ITGAE: variants seen among roughly 807,000 people sequenced by gnomAD.
The protein encoded by ITGAE is integrin alpha-E.
Under a neutral mutation model 136.5 loss-of-function variants are expected in ITGAE, and 99 were observed. That is an observed-to-expected ratio of 0.73 (90% CI 0.62 to 0.86). The LOEUF is 0.86. Ranked by LOEUF, ITGAE falls within the 40% of genes least tolerant of loss-of-function variation. ITGAE has a pLI of 0.00. For synonymous variants in ITGAE, 613 were observed against 591.8 expected, an observed-to-expected ratio of 1.04 and a Z score of -0.52; for missense variants, 1,447 against 1,515.3, an observed-to-expected ratio of 0.95 and a Z score of 0.75.
intron 2 of ITGAE, among the ~76,000 whole-genome samples, chr17:3,771,316 T>C (rs2052415733): frequency 1.1e-4 from 16 of 152,106 alleles, no homozygotes. Flanking sequence ...ACCGTATGCC[T>C]CGTTGATACT....
At position 3,761,154 on chromosome 17, in the gene ITGAE, G is replaced by A. The variant is rs747958723; in HGVS notation, c.457C>T (p.Arg153Cys). ...DLENLLDPDA[R>C]VDTGDCYSNK... is the part of the protein sequence containing the mutation. ...CTGTAGCAGTCTCCAGTGTCCACAC[G>A]TGCATCTGGATCCAGGAGATTTTCT... is the stretch of plus-strand genomic sequence containing the variant. Residue 153 changes from arginine to cysteine, a missense_variant, in exon 6 of 31, where the codon CGT becomes TGT. Transcript: ENST00000263087. The A allele has an allele frequency of 1.4e-5, 23 of 1,611,216 alleles. No individual in the cohort carries two copies. The Middle Eastern group carries it at 1.2e-3, about 81-fold the overall frequency.
At chr17:3,777,453 G>A in intron 2 of ITGAE, 87 bp downstream of exon 2, 1 of 1,484,758 alleles carries the variant, frequency 6.7e-7, no homozygotes, top group Non-Finnish European at 9.1e-7. Context: ...GGGGTGGGGT[G>A]GGCTGCCATG....
At position 3,786,040 on chromosome 17, in the gene ITGAE, G is replaced by A. The variant is rs578182277; in HGVS notation, c.35-8380C>T. ...AAATTAGCCGGGCGTGGTGGCGGGCGCCTGTAGTCCCAGCTACTCGGGAGG... is the reference window on the plus strand; with the variant it reads ...AAATTAGCCGGGCGTGGTGGCGGGCACCTGTAGTCCCAGCTACTCGGGAGG... On this transcript the variant is annotated intron_variant, in intron 1 of 30. Transcript: ENST00000263087. Among the ~76,000 whole-genome samples, 73 of 151,440 alleles carry A rather than the reference G, an allele frequency of 4.8e-4. 2 individuals are homozygous for A. Among genetic ancestry groups the A allele is most frequent in the Admixed American group, 1.6e-3 (25 of 15,194 alleles).
At position 3,745,915 on chromosome 17, in the gene ITGAE, G is replaced by A. The variant is rs772201326; in HGVS notation, c.2168C>T (p.Ala723Val). The change falls in exon 18 of 31, where the codon GCA (alanine) becomes GTA (valine). Residue 723 changes from alanine (A) to valine (V), a missense_variant. Physicochemically the swap from Ala to Val is moderately conservative, Grantham distance 64. Coordinates refer to ENST00000263087, the MANE Select transcript of ITGAE (RefSeq NM_002208.5). The part of the protein sequence containing the change: ...TTASESGLRE[A>V]LLNFTLDVDV... ...CACATCCAGCGTGAAGTTGAGAAGT[G>A]CCTCGCGGAGGCCTGGGAATGAAGA... 1.2e-6 allele frequency: 2 copies of A among 1,613,704 alleles called. No homozygotes were observed. The highest frequency in any genetic ancestry group is 2.2e-5 in the South Asian group (2 of 91,056).
chr17:3,731,106 G>A lies in ITGAE; in HGVS notation c.2832C>T (p.Thr944=), dbSNP rs182566909. The change falls in exon 23 of 31, where the codon ACC becomes ACT. Residue 944 remains threonine (T), a splice_region_variant and synonymous_variant. Coordinates refer to ENST00000263087, the MANE Select transcript of ITGAE (RefSeq NM_002208.5). ...NRTADITVTV[T]NSNERRSLAN... Reference sequence around the variant, plus strand: ...GCTGTGACCCAGGCAGTACTTACTTGGTGACAGTCACAGTGATGTCTGCTG... The same window carrying A: ...GCTGTGACCCAGGCAGTACTTACTTAGTGACAGTCACAGTGATGTCTGCTG... 3.1e-6 allele frequency: 5 copies of A among 1,612,000 alleles called. No homozygotes were observed. In the African/African-American group the frequency reaches 4.0e-5, roughly 13 times the overall value.
intron 28 of ITGAE, among the ~76,000 whole-genome samples, chr17:3,721,447 T>C (rs2051049318): frequency 6.6e-6 from 1 of 151,240 alleles, no homozygotes; most frequent in Non-Finnish European, 1.5e-5. Context: ...AATTTATGTA[T>C]TTATTTATTT....
chr17:3,734,622 A>G (rs1285944237), intron 21 of ITGAE, among the ~76,000 whole-genome samples, 195 bp downstream of exon 21: 4 of 152,168 alleles, frequency 2.6e-5, no homozygotes, highest in Non-Finnish European at 4.4e-5. Flanking sequence ...GGAGGGTGGC[A>G]CTGCAGCAGA....
chr17:3,797,298 T>TG (rs898194538), intron 1 of ITGAE, among the ~76,000 whole-genome samples: 7 of 149,994 alleles, frequency 4.7e-5, no homozygotes, highest in Non-Finnish European at 7.4e-5. Flanking sequence ...CCCGAGTAGC[T>TG]GGGACTACAG....
In ITGAE at chr17:3,799,033, A is replaced by G. The variant is rs1046063392; in HGVS notation, c.34+2078T>C. The stretch of plus-strand genomic sequence containing the variant: ...TGGAAGGTCAGGGCCAGGCCAGGCC[A>G]GTCCTGGATTCTCTCCAGCCTAAGG... On this transcript the variant is annotated intron_variant, in intron 1 of 30. Coordinates refer to ENST00000263087, the MANE Select transcript of ITGAE (RefSeq NM_002208.5). The surrounding 1 kb of genome is among the most constrained non-coding windows in gnomAD (Gnocchi z 4.1). Among the ~76,000 whole-genome samples, 10 of 152,312 alleles carry G rather than the reference A, an allele frequency of 6.6e-5. No homozygotes were observed. The highest frequency in any genetic ancestry group is 1.7e-4 in the African/African-American group (7 of 41,570).
At chr17:3,785,005 A>C (rs527431655) in intron 1 of ITGAE, among the ~76,000 whole-genome samples, 119 of 152,228 alleles carry the variant, frequency 7.8e-4, no homozygotes, top group African/African-American at 2.7e-3. Context: ...ACAAAAAATT[A>C]GCCAGGAATG....
intron 1 of ITGAE, among the ~76,000 whole-genome samples, chr17:3,785,325 C>T (rs1349998881): frequency 1.3e-5 from 2 of 152,038 alleles, no homozygotes; most frequent in East Asian, 1.9e-4. Flanking sequence ...AAAAATCAGG[C>T]AGGCATGCTG....
intron 19 of ITGAE, among the ~76,000 whole-genome samples, chr17:3,741,754 C>T (rs1349006972): frequency 6.6e-6 from 1 of 152,170 alleles, no homozygotes; most frequent in Non-Finnish European, 1.5e-5. Flanking sequence ...GAGAAGGACA[C>T]ACTTTACTTC....
chr17:3,792,037 C>T (rs1292968267), intron 1 of ITGAE, among the ~76,000 whole-genome samples: 1 of 152,168 alleles, frequency 6.6e-6, no homozygotes, highest in African/African-American at 2.4e-5. Context: ...GCTCTGAGGC[C>T]AGGCTCTGGA....
rs57655393 is a variant in ITGAE, at chr17:3,725,392, G to T, written c.3085-1648C>A. 1.6e-4 allele frequency: 253 copies of T among 1,614,194 alleles called. 1 individual carries two copies. The African/African-American group carries it at 3.0e-3, about 19-fold the overall frequency. On this transcript the variant is annotated intron_variant, in intron 26 of 30. Coordinates refer to ENST00000263087, the MANE Select transcript of ITGAE (RefSeq NM_002208.5). ...TGCCTTCCCACAGAAAAACTGCAACGCTGTGAGAAGATTGGGGAAGGGGTG... is the reference window on the plus strand; with the variant it reads ...TGCCTTCCCACAGAAAAACTGCAACTCTGTGAGAAGATTGGGGAAGGGGTG...
intron 9 of ITGAE, among the ~76,000 whole-genome samples, 190 bp downstream of exon 9, chr17:3,757,516 A>G (rs565396066): frequency 4.6e-5 from 7 of 152,280 alleles, no homozygotes; most frequent in Admixed American, 2.6e-4. Context: ...CTATTTGGCC[A>G]GTAAGCTGTG....
intron 23 of ITGAE, 157 bp from the exon 24 acceptor site, chr17:3,729,712 A>AG: frequency 1.6e-6 from 1 of 612,568 alleles, no homozygotes; most frequent in Admixed American, 2.2e-5. Context: ...CTCATGCCTC[A>AG]GCCTCCTGAG....
In ITGAE at chr17:3,764,335, C is replaced by G. The variant is rs1419602182; in HGVS notation, c.156-375G>C. Among the ~76,000 whole-genome samples, 5 of 152,348 alleles carry G rather than the reference C, an allele frequency of 3.3e-5. No individual in the cohort carries two copies. The East Asian group carries it at 9.6e-4, about 29-fold the overall frequency. ...CTTCCTCGTGGGCCACCCAGGGGGC[C>G]TGCCCTGCCTGGCCTTAGTTCCTGA... On this transcript the variant is annotated intron_variant, in intron 2 of 30. Coordinates refer to ENST00000263087, the MANE Select transcript of ITGAE (RefSeq NM_002208.5).
At chr17:3,726,552 G>C (rs1266886299) in intron 26 of ITGAE, 1 of 547,856 alleles carries the variant, frequency 1.8e-6, no homozygotes, top group Non-Finnish European at 3.3e-6. Flanking sequence ...AACTAGCCGG[G>C]CACAGTGGCG....
chr17:3,761,216 G>T, intron 5 of ITGAE, 39 bp from the exon 6 acceptor site: 3 of 1,601,176 alleles, frequency 1.9e-6, no homozygotes, highest in East Asian at 2.2e-5. Flanking sequence ...AGTCAGAAAG[G>T]CTCCATCCTC....
Sources: gnomAD v4.1 joint callset for allele counts (sites outside exome capture counted in the v4.1 genomes callset) on GRCh38, gnomAD v4.1.1 for gene constraint, Gnocchi (gnomAD v3.1) non-coding constraint, MANE v1.5 for transcripts, NCBI Gene and HGNC (gene_info 2026-07-23, HGNC 2026-07-21) for gene names.